SLC44A5: variants seen among roughly 807,000 people sequenced by gnomAD.
The protein encoded by SLC44A5 is solute carrier family 44 member 5, also known as choline transporter-like protein 5.
A neutral mutation model predicts 101.8 loss-of-function variants in SLC44A5; 57 were observed. That is an observed-to-expected ratio of 0.56 (90% CI 0.45 to 0.70). The LOEUF is 0.70. Among genes scored for constraint, SLC44A5 ranks in the 30% least tolerant of loss-of-function variants. The probability of loss-of-function intolerance (pLI) is 0.00; values close to 1 mark genes in which losing one functional copy is unlikely to be tolerated. For missense variants in SLC44A5, 737 were observed against 853.1 expected (o/e 0.86, Z 1.70); for synonymous variants, 281 against 290.9 (o/e 0.97, Z 0.35).
At chr1:75,384,292 G>A (rs1421219507) in intron 3 of SLC44A5, among the ~76,000 whole-genome samples, 1 of 151,482 alleles carries the variant, frequency 6.6e-6, no homozygotes, top group Non-Finnish European at 1.5e-5. Flanking sequence ...ACCCATCAGT[G>A]TGCTGTATTC....
intron 3 of SLC44A5, among the ~76,000 whole-genome samples, chr1:75,376,328 G>A (rs901348322): frequency 6.6e-6 from 1 of 152,228 alleles, no homozygotes; most frequent in Admixed American, 6.5e-5. Flanking sequence ...ACTGGGTGGA[G>A]CCCACCACAG....
At chr1:75,384,270 TAA>T (rs1292569649) in intron 3 of SLC44A5, among the ~76,000 whole-genome samples, 1 of 151,822 alleles carries the variant, frequency 6.6e-6, no homozygotes, top group East Asian at 1.9e-4. Flanking sequence ...GCAAATTGGA[TAA>T]AGAGTCAAGA....
chr1:75,214,994 G>A (rs747685713), intron 19 of SLC44A5, among the ~76,000 whole-genome samples: 18 of 152,186 alleles, frequency 1.2e-4, no homozygotes, highest in Non-Finnish European at 1.9e-4. Context: ...TTGGGCTAGA[G>A]TTTATTGCTA....
the SLC44A5 span, among the ~76,000 whole-genome samples, chr1:75,668,699 A>G: frequency 6.6e-6 from 1 of 151,490 alleles, no homozygotes; most frequent in East Asian, 1.9e-4. Flanking sequence ...CTGTGTGAAG[A>G]AAACAGACCA....
intron 2 of SLC44A5, among the ~76,000 whole-genome samples, chr1:75,509,981 A>G (rs570231133): frequency 6.6e-6 from 1 of 152,302 alleles, no homozygotes; most frequent in East Asian, 1.9e-4. Flanking sequence ...TGGAGGACAA[A>G]GGAGAAGCAA....
chr1:75,458,562 A>G (rs1270174839), intron 2 of SLC44A5, among the ~76,000 whole-genome samples: 1 of 152,194 alleles, frequency 6.6e-6, no homozygotes, highest in East Asian at 1.9e-4. Context: ...AGGTTGTTAC[A>G]TTACAGAAGG....
chr1:75,529,018 T>G (rs1670579060), intron 2 of SLC44A5, among the ~76,000 whole-genome samples: 1 of 152,208 alleles, frequency 6.6e-6, no homozygotes, highest in Non-Finnish European at 1.5e-5. Context: ...TAACTCACTG[T>G]TACATTATCT....
chr1:75,378,917 G>A (rs1287649245), intron 3 of SLC44A5, among the ~76,000 whole-genome samples: 2 of 82,236 alleles, frequency 2.4e-5, no homozygotes, highest in Non-Finnish European at 4.2e-5. Context: ...ACAGGGCAGG[G>A]CGCCATACCC....
intron 4 of SLC44A5, among the ~76,000 whole-genome samples, chr1:75,330,577 T>C (rs913161529): frequency 1.3e-5 from 2 of 152,164 alleles, no homozygotes; most frequent in African/African-American, 4.8e-5. Context: ...ATTTCTTCTT[T>C]ATCTTGTGTC....
At chr1:75,685,319 T>G in the SLC44A5 span, among the ~76,000 whole-genome samples, 1 of 152,306 alleles carries the variant, frequency 6.6e-6, no homozygotes, top group African/African-American at 2.4e-5. Flanking sequence ...TGATTAGCAT[T>G]TGGATCCTCA....
rs572321834 is a variant in SLC44A5 at position 75,314,476 on chromosome 1, A to G, written c.102-13791T>C. ...TTGCTTCATCTTTCAGTTACTGGAA[A>G]AATGTGCCAAAGTGTGTGGAGAAGC... On this transcript the variant is annotated intron_variant, in intron 4 of 23. Coordinates refer to ENST00000370859, the MANE Select transcript of SLC44A5 (RefSeq NM_001130058.2). Among the ~76,000 whole-genome samples the G allele has an allele frequency of 2.5e-3, 379 of 152,334 alleles. 1 individual carries two copies. Among genetic ancestry groups the G allele is most frequent in the African/African-American group, 8.9e-3 (370 of 41,582 alleles).
intron 17 of SLC44A5, 35 bp downstream of exon 17, chr1:75,218,455 G>C: frequency 6.2e-7 from 1 of 1,609,600 alleles, no homozygotes; most frequent in African/African-American, 1.3e-5. Flanking sequence ...AAATGTAACT[G>C]ACAAGATAGG....
intron 1 of SLC44A5, among the ~76,000 whole-genome samples, chr1:75,579,873 C>A (rs953116723): frequency 2.0e-5 from 3 of 149,324 alleles, no homozygotes; most frequent in African/African-American, 7.4e-5. Flanking sequence ...ACCTGCCAAC[C>A]AGGAGATTTT....
At chr1:75,383,418 G>A (rs975131677) in intron 3 of SLC44A5, among the ~76,000 whole-genome samples, 8 of 151,444 alleles carry the variant, frequency 5.3e-5, no homozygotes, top group Non-Finnish European at 7.4e-5. Context: ...CCCACCTTAC[G>A]AGAAACACCC....
chr1:75,471,882 T>G (rs1667131887), intron 2 of SLC44A5, among the ~76,000 whole-genome samples: 1 of 151,846 alleles, frequency 6.6e-6, no homozygotes, highest in African/African-American at 2.4e-5. Flanking sequence ...TAAGGCTTTT[T>G]TTTCTCTGAT....
At chr1:75,543,677 A>C (rs1671486645) in intron 1 of SLC44A5, among the ~76,000 whole-genome samples, 1 of 71,390 alleles carries the variant, frequency 1.4e-5, no homozygotes, top group Non-Finnish European at 2.5e-5. Context: ...ATATACACAC[A>C]TATATATACA....
intron 1 of SLC44A5, among the ~76,000 whole-genome samples, chr1:75,562,567 C>T (rs1672576132): frequency 6.6e-6 from 1 of 151,978 alleles, no homozygotes; most frequent in Admixed American, 6.6e-5. Flanking sequence ...GTATGGTGAC[C>T]TGCACCTGTA....
At chr1:75,384,989 A>G (rs377677561) in intron 3 of SLC44A5, among the ~76,000 whole-genome samples, 14,289 of 151,844 alleles carry the variant, frequency 0.094, 873 homozygotes, top group Admixed American at 0.2. Context: ...GGCAGAAATA[A>G]AGATGTTCTT....
At chr1:75,414,356 C>CAT (rs61190992) in intron 2 of SLC44A5, among the ~76,000 whole-genome samples, 5 of 146,776 alleles carry the variant, frequency 3.4e-5, no homozygotes, top group Non-Finnish European at 7.6e-5. Flanking sequence ...CACACACACA[C>CAT]ATATATCTTT....
Sources: gnomAD v4.1 joint callset for allele counts (sites outside exome capture counted in the v4.1 genomes callset) on GRCh38, gnomAD v4.1.1 for gene constraint, MANE v1.5 for transcripts, NCBI Gene and HGNC (gene_info 2026-07-23, HGNC 2026-07-21) for gene names.